The following LSAMP variants were observed in gnomAD, a reference collection of about 807,000 sequenced individuals.
The protein encoded by LSAMP is limbic system-associated membrane protein.
Under a neutral mutation model 38.6 loss-of-function variants are expected in LSAMP, and 7 were observed. The observed-to-expected ratio is 0.18, with a 90% CI of 0.10 to 0.34. LSAMP has a LOEUF of 0.34. Among genes scored for constraint, LSAMP ranks in the 10% least tolerant of loss-of-function variants. LSAMP has a pLI of 1.00. For synonymous variants in LSAMP, 154 were observed against 166.8 expected, an observed-to-expected ratio of 0.92 and a Z score of 0.59; for missense variants, 313 against 420.0, an observed-to-expected ratio of 0.75 and a Z score of 2.23.
At chr3:116,229,129 T>G (rs906247205) in intron 1 of LSAMP, among the ~76,000 whole-genome samples, 8 of 152,134 alleles carry the variant, frequency 5.3e-5, no homozygotes, top group Admixed American at 5.2e-4. Flanking sequence ...ACAACATAAC[T>G]TATCTTGAAA....
chr3:116,303,775 C>T (rs751768455), intron 1 of LSAMP, among the ~76,000 whole-genome samples: 3 of 152,158 alleles, frequency 2.0e-5, no homozygotes, highest in Non-Finnish European at 4.4e-5. Flanking sequence ...CGGAGCACAA[C>T]AGATTTAACA....
intron 1 of LSAMP, among the ~76,000 whole-genome samples, chr3:116,408,518 C>A (rs1209758400): frequency 6.6e-6 from 1 of 152,018 alleles, no homozygotes. Context: ...CTTAATCACA[C>A]CTGAATGACT....
intron 3 of LSAMP, among the ~76,000 whole-genome samples, chr3:115,887,926 A>G (rs955001051): frequency 3.9e-5 from 6 of 151,956 alleles, no homozygotes; most frequent in Non-Finnish European, 8.8e-5. Flanking sequence ...ACATATTTTT[A>G]CCATTAAATA....
At chr3:116,209,636 C>T (rs1235034728) in intron 1 of LSAMP, among the ~76,000 whole-genome samples, 2 of 152,108 alleles carry the variant, frequency 1.3e-5, no homozygotes, top group East Asian at 3.9e-4. Context: ...AGAAGTAAGA[C>T]AAGCTAAGGT....
intron 3 of LSAMP, among the ~76,000 whole-genome samples, chr3:115,942,103 T>C (rs1173366102): frequency 6.6e-6 from 1 of 152,120 alleles, no homozygotes; most frequent in Non-Finnish European, 1.5e-5. Context: ...CAAAGGGGAA[T>C]CAGTAATCTG....
rs368327069 is a variant in LSAMP at position 116,273,840 on chromosome 3, T to C, written c.155+171037A>G. On this transcript the variant is annotated intron_variant, in intron 1 of 6. Transcript: ENST00000490035. Reference sequence around the variant, plus strand: ...CTCTCTCTCTCTCTCTCTTTCGCTTTCTCTTAATGGTCGTCTGGGCTTATT... The same window carrying C: ...CTCTCTCTCTCTCTCTCTTTCGCTTCCTCTTAATGGTCGTCTGGGCTTATT... Among the ~76,000 whole-genome samples, 7 of 150,626 alleles carry C rather than the reference T, an allele frequency of 4.6e-5. No homozygotes were observed. The East Asian group carries it at 1.2e-3, about 25-fold the overall frequency.
rs140642077 is a variant in LSAMP, at chr3:116,433,044, A to G, written c.155+11833T>C. Among the ~76,000 whole-genome samples, 8 of 152,338 alleles carry G rather than the reference A, an allele frequency of 5.3e-5. No homozygotes were observed. In the East Asian group the frequency reaches 1.5e-3, roughly 29 times the overall value. ...TTATCTCAAAACAAACACCAGCTAC[A>G]AATTGGCAACCATATGTGGCTTACG... On this transcript the variant is annotated intron_variant, in intron 1 of 6. Transcript: ENST00000490035.
chr3:116,396,742 T>C (rs561922940), intron 1 of LSAMP, among the ~76,000 whole-genome samples: 1 of 152,324 alleles, frequency 6.6e-6, no homozygotes, highest in South Asian at 2.1e-4. Context: ...GGGAGTCTAA[T>C]AGACATATCA....
At chr3:116,259,112 G>A (rs748114404) in intron 1 of LSAMP, among the ~76,000 whole-genome samples, 8 of 152,064 alleles carry the variant, frequency 5.3e-5, no homozygotes, top group Non-Finnish European at 7.4e-5. Flanking sequence ...TCAGTAATTA[G>A]AACAGGAGAA....
intron 1 of LSAMP, among the ~76,000 whole-genome samples, chr3:116,355,645 A>G (rs577990250): frequency 8.5e-4 from 129 of 152,292 alleles, no homozygotes; most frequent in Non-Finnish European, 1.2e-3. Context: ...CAAAATGAAG[A>G]GAAAACCCAC....
intron 1 of LSAMP, among the ~76,000 whole-genome samples, chr3:116,201,727 CG>C (rs1324427853): frequency 1.3e-5 from 2 of 152,140 alleles, no homozygotes; most frequent in Non-Finnish European, 2.9e-5. Flanking sequence ...TGTTCAAGTA[CG>C]GTGGACTTTG....
chr3:116,132,744 T>A (rs1709163234), intron 1 of LSAMP, among the ~76,000 whole-genome samples: 1 of 152,246 alleles, frequency 6.6e-6, no homozygotes, highest in East Asian at 1.9e-4. Flanking sequence ...GAATAACTTT[T>A]AAATTTTTAA....
chr3:116,028,428 C>T (rs1940843705), intron 2 of LSAMP, among the ~76,000 whole-genome samples: 1 of 152,172 alleles, frequency 6.6e-6, no homozygotes, highest in South Asian at 2.1e-4. Flanking sequence ...TATTCTCTGA[C>T]ATTTGCTTTT....
At chr3:115,882,016 G>C (rs1303827160) in intron 3 of LSAMP, among the ~76,000 whole-genome samples, 1 of 152,114 alleles carries the variant, frequency 6.6e-6, no homozygotes, top group Admixed American at 6.6e-5. Flanking sequence ...ATGATAGACT[G>C]TTTCAAGGTT....
At chr3:116,331,823 TTTTC>T (rs954239316) in intron 1 of LSAMP, among the ~76,000 whole-genome samples, 2 of 152,156 alleles carry the variant, frequency 1.3e-5, no homozygotes, top group Non-Finnish European at 2.9e-5. Flanking sequence ...TTTCTTTTTA[TTTTC>T]TTTCTTTCTT....
chr3:116,317,830 T>C (rs1172433255), intron 1 of LSAMP, among the ~76,000 whole-genome samples: 1 of 151,912 alleles, frequency 6.6e-6, no homozygotes, highest in Non-Finnish European at 1.5e-5. Context: ...TTAATTCAAA[T>C]GTCTTATATA....
intron 1 of LSAMP, among the ~76,000 whole-genome samples, chr3:116,180,031 G>T (rs1362432137): frequency 2.0e-5 from 3 of 152,142 alleles, no homozygotes; most frequent in Non-Finnish European, 2.9e-5. Flanking sequence ...CTTGGACTCA[G>T]ATCTGGAGAT....
chr3:115,936,873 A>G (rs926939357), intron 3 of LSAMP, among the ~76,000 whole-genome samples: 12 of 152,208 alleles, frequency 7.9e-5, no homozygotes, highest in African/African-American at 2.4e-4. Flanking sequence ...GGGGAAATGC[A>G]CAGACTAGAT....
chr3:116,164,261 C>CT (rs765271107), intron 1 of LSAMP, among the ~76,000 whole-genome samples: 8 of 151,930 alleles, frequency 5.3e-5, no homozygotes, highest in East Asian at 1.9e-4. Context: ...CACCAACATA[C>CT]TATTAGGATG....
Sources: gnomAD v4.1 joint callset for allele counts (sites outside exome capture counted in the v4.1 genomes callset) on GRCh38, gnomAD v4.1.1 for gene constraint, MANE v1.5 for transcripts, NCBI Gene and HGNC (gene_info 2026-07-23, HGNC 2026-07-21) for gene names.